ASPRV1: variants seen among roughly 807,000 people sequenced by gnomAD.
ASPRV1 encodes the protein aspartic peptidase retroviral like 1.
ASPRV1 carries 7 observed loss-of-function variants against 11.0 expected under a neutral mutation model. That is an observed-to-expected ratio of 0.64 (90% CI 0.36 to 1.20). The LOEUF is 1.20. Ranked by LOEUF, ASPRV1 falls within the 50% of genes most tolerant of loss-of-function variation. ASPRV1 has a pLI of 0.02. For missense variants in ASPRV1, 299 were observed against 320.0 expected (o/e 0.93, Z 0.50); for synonymous variants, 136 against 138.4 (o/e 0.98, Z 0.12).
At chr2:70,025,797 A>G in the ASPRV1 span, among the ~76,000 whole-genome samples, 1 of 152,232 alleles carries the variant, frequency 6.6e-6, no homozygotes, top group Non-Finnish European at 1.5e-5. Flanking sequence ...CTGATGCTGC[A>G]ATGGCTGTGA....
the ASPRV1 span, among the ~76,000 whole-genome samples, chr2:70,040,204 T>TA: frequency 6.6e-6 from 1 of 151,814 alleles, no homozygotes; most frequent in African/African-American, 2.4e-5. Flanking sequence ...CTAGAGACAG[T>TA]ATATAGAGGG....
At chr2:69,976,969 A>C in the ASPRV1 span, among the ~76,000 whole-genome samples, 2 of 152,160 alleles carry the variant, frequency 1.3e-5, no homozygotes, top group Non-Finnish European at 2.9e-5. Flanking sequence ...CGGCAGGTGG[A>C]TCGCCTGAGG....
At chr2:69,972,052 T>TA in the ASPRV1 span, among the ~76,000 whole-genome samples, 1 of 152,082 alleles carries the variant, frequency 6.6e-6, no homozygotes, top group Non-Finnish European at 1.5e-5. Context: ...TGCTGTCTTC[T>TA]AGGTTTTCTT....
the ASPRV1 span, chr2:69,938,040 C>A: frequency 1.3e-6 from 2 of 1,552,374 alleles, no homozygotes; most frequent in African/African-American, 1.4e-5. Context: ...AGCCACCACG[C>A]CTGAGCTTTC....
chr2:69,949,513 G>A, the ASPRV1 span, among the ~76,000 whole-genome samples: 1 of 152,206 alleles, frequency 6.6e-6, no homozygotes, highest in South Asian at 2.1e-4. Flanking sequence ...CCAGGTGACT[G>A]GTTCAAAAAC....
the ASPRV1 span, among the ~76,000 whole-genome samples, chr2:70,037,824 ATTACT>A: frequency 6.6e-6 from 1 of 152,064 alleles, no homozygotes; most frequent in African/African-American, 2.4e-5. Context: ...TAGTACATTT[ATTACT>A]TTAGTTTTTA....
the ASPRV1 span, among the ~76,000 whole-genome samples, chr2:70,060,593 A>G: frequency 6.6e-6 from 1 of 152,090 alleles, no homozygotes; most frequent in African/African-American, 2.4e-5. Context: ...CAGCTGGATC[A>G]CCTGAGGTCA....
the ASPRV1 span, among the ~76,000 whole-genome samples, chr2:70,051,502 A>G: frequency 3.8e-3 from 576 of 152,352 alleles, 5 homozygotes; most frequent in Middle Eastern, 0.014. Flanking sequence ...GTGCACAAGC[A>G]TGCAAAGATG....
chr2:70,048,994 T>C, the ASPRV1 span: 1 of 152,112 alleles, frequency 6.6e-6, no homozygotes, highest in African/African-American at 2.4e-5. Flanking sequence ...TGATCATATG[T>C]GCAAAGACCT....
At chr2:70,063,417 G>A in the ASPRV1 span, among the ~76,000 whole-genome samples, 5 of 152,202 alleles carry the variant, frequency 3.3e-5, no homozygotes, top group Admixed American at 6.5e-5. Flanking sequence ...AATTCAGAGA[G>A]AAATTCCACA....
chr2:70,068,477 G>A, the ASPRV1 span, among the ~76,000 whole-genome samples: 10,365 of 152,164 alleles, frequency 0.068, 1,224 homozygotes, highest in African/African-American at 0.24. Context: ...GGAGAACGGG[G>A]GTTTCTAGGG....
At chr2:70,046,953 C>T in the ASPRV1 span, among the ~76,000 whole-genome samples, 1 of 152,120 alleles carries the variant, frequency 6.6e-6, no homozygotes, top group Non-Finnish European at 1.5e-5. Context: ...TTTTAAAATA[C>T]ATACGGAGGG....
the ASPRV1 span, chr2:69,938,064 C>T: frequency 6.2e-7 from 1 of 1,603,460 alleles, no homozygotes; most frequent in Non-Finnish European, 8.5e-7. Flanking sequence ...AGAGCGCTTT[C>T]ATCAATGTCC....
the ASPRV1 span, among the ~76,000 whole-genome samples, chr2:70,054,647 A>T: frequency 6.6e-6 from 1 of 152,286 alleles, no homozygotes; most frequent in Admixed American, 6.5e-5. Context: ...TGCATGGAAC[A>T]GGAAAACAGA....
chr2:70,078,399 C>T, the ASPRV1 span, among the ~76,000 whole-genome samples: 1 of 152,116 alleles, frequency 6.6e-6, no homozygotes, highest in Non-Finnish European at 1.5e-5. Flanking sequence ...AACAATATGT[C>T]AAATAGCAAG....
the ASPRV1 span, among the ~76,000 whole-genome samples, chr2:69,944,433 G>C: frequency 6.6e-6 from 1 of 152,202 alleles, no homozygotes; most frequent in African/African-American, 2.4e-5. Context: ...CCTTCACATT[G>C]GCCCCGGGAG....
the ASPRV1 span, among the ~76,000 whole-genome samples, chr2:70,068,341 T>A: frequency 2.6e-4 from 40 of 151,896 alleles, no homozygotes; most frequent in Non-Finnish European, 4.9e-4. Flanking sequence ...AGGGGTGAAG[T>A]GGTAAGGAGT....
chr2:70,030,836 A>AT, the ASPRV1 span: 2 of 152,216 alleles, frequency 1.3e-5, no homozygotes, highest in African/African-American at 4.8e-5. Flanking sequence ...GAGGATCTGA[A>AT]TAACCACATG....
chr2:69,996,214 C>CAAAAAAA, the ASPRV1 span, among the ~76,000 whole-genome samples: 4 of 53,874 alleles, frequency 7.4e-5, no homozygotes, highest in Non-Finnish European at 1.3e-4. Flanking sequence ...CCCCATCTCT[C>CAAAAAAA]AAAAAAAAAA....
Sources: allele counts gnomAD v4.1 joint callset (sites outside exome capture counted in the v4.1 genomes callset), GRCh38; gene constraint gnomAD v4.1.1; transcripts MANE v1.5; gene names NCBI Gene and HGNC (gene_info 2026-07-23, HGNC 2026-07-21).